The following DCC variants were observed in gnomAD, a reference collection of about 807,000 sequenced individuals.
DCC encodes the protein netrin receptor DCC.
In DCC, 58 loss-of-function variants were observed where a neutral mutation model predicts 172.5. The ratio of observed to expected loss-of-function variants is 0.34; its 90% CI spans 0.27 to 0.42. The LOEUF is 0.42. Among genes scored for constraint, DCC ranks in the 10% least tolerant of loss-of-function variants. DCC has a pLI of 1.00. For missense variants in DCC, 1,740 were observed against 1,791.0 expected, an observed-to-expected ratio of 0.97 and a Z score of 0.51; for synonymous variants, 709 against 644.5, an observed-to-expected ratio of 1.10 and a Z score of -1.52.
Position 52,501,540 on chromosome 18 carries a change from G to A in DCC, c.91+160662G>A, listed in dbSNP as rs183484317. On this transcript the variant is annotated intron_variant, in intron 1 of 28. Transcript: ENST00000442544. The stretch of plus-strand genomic sequence containing the variant: ...ATTGTATTCAGGGAAGGGGGGAGAA[G>A]AGGGAATCACAGGATATCAGTGTTG... Among the ~76,000 whole-genome samples the A allele has an allele frequency of 1.1e-4, 16 of 152,258 alleles. No individual in the cohort carries two copies. In the East Asian group the frequency reaches 2.5e-3, roughly 24 times the overall value.
chr18:52,745,094 A>C (rs1204791417), intron 1 of DCC, among the ~76,000 whole-genome samples: 4 of 152,224 alleles, frequency 2.6e-5, no homozygotes, highest in Non-Finnish European at 4.4e-5. Context: ...AGGAAAGATT[A>C]GGTATTGTAA....
chr18:53,352,531 T>A (rs1599055113), intron 15 of DCC, among the ~76,000 whole-genome samples: 1 of 152,104 alleles, frequency 6.6e-6, no homozygotes, highest in Admixed American at 6.6e-5. Context: ...AGACTATACA[T>A]TTTTGGCTTT....
chr18:52,536,442 A>T lies in DCC; in HGVS notation c.91+195564A>T, dbSNP rs369124547. 5.9e-5 allele frequency among the ~76,000 whole-genome samples: 9 copies of T among 152,302 alleles called. No homozygotes were observed. The East Asian group carries it at 1.2e-3, about 20-fold the overall frequency. On this transcript the variant is annotated intron_variant, in intron 1 of 28. Transcript: ENST00000442544. ...TTTAGAGATATAGGCTTCACCAGAC[A>T]TGTCTTTCCTCACAGATCCAAAGAA...
chr18:52,429,037 T>G (rs2061119121), intron 1 of DCC, among the ~76,000 whole-genome samples: 1 of 152,112 alleles, frequency 6.6e-6, no homozygotes, highest in South Asian at 2.1e-4. Context: ...TTTCGCACTT[T>G]ACTTCTGCTA....
intron 3 of DCC, among the ~76,000 whole-genome samples, chr18:52,920,794 C>T (rs529269604): frequency 1.4e-4 from 21 of 152,020 alleles, no homozygotes; most frequent in African/African-American, 4.1e-4. Context: ...CTTCAATAGA[C>T]GAATGGATAA....
intron 1 of DCC, among the ~76,000 whole-genome samples, chr18:52,496,343 A>G (rs1353177198): frequency 6.6e-6 from 1 of 152,206 alleles, no homozygotes; most frequent in Non-Finnish European, 1.5e-5. Context: ...AATAACCATG[A>G]GCATCGGGAC....
chr18:53,524,527 AG>A (rs1356362630), intron 27 of DCC, among the ~76,000 whole-genome samples: 1 of 152,104 alleles, frequency 6.6e-6, no homozygotes, highest in African/African-American at 2.4e-5. Flanking sequence ...AAGCACTATA[AG>A]GTATGATGCT....
intron 1 of DCC, among the ~76,000 whole-genome samples, chr18:52,395,677 A>C (rs971465417): frequency 1.3e-5 from 2 of 152,076 alleles, no homozygotes; most frequent in Non-Finnish European, 2.9e-5. Flanking sequence ...CTACCCAGCT[A>C]TTCTGAGCCT....
At chr18:52,879,781 G>C (rs2039456776) in intron 2 of DCC, among the ~76,000 whole-genome samples, 1 of 152,064 alleles carries the variant, frequency 6.6e-6, no homozygotes. Flanking sequence ...AGCAGCCATA[G>C]ACAATAGGTA....
intron 1 of DCC, among the ~76,000 whole-genome samples, chr18:52,612,263 C>T (rs900354786): frequency 2.0e-5 from 3 of 152,050 alleles, no homozygotes; most frequent in Non-Finnish European, 4.4e-5. Flanking sequence ...AATCCAGAAA[C>T]GTGGGGTTCT....
chr18:53,178,243 T>C (rs2144475462), intron 8 of DCC, among the ~76,000 whole-genome samples: 1 of 152,328 alleles, frequency 6.6e-6, no homozygotes, highest in East Asian at 1.9e-4. Flanking sequence ...CGGTTTGTCA[T>C]CTCTTAATAC....
At chr18:52,470,724 T>C (rs1221974) in intron 1 of DCC, among the ~76,000 whole-genome samples, 37,970 of 152,140 alleles carry the variant, frequency 0.25, 5,649 homozygotes, top group Non-Finnish European at 0.33. Context: ...AAACATTCCC[T>C]AATGGGAAAC....
chr18:52,878,163 G>A (rs1488531828), intron 2 of DCC, among the ~76,000 whole-genome samples: 12 of 152,058 alleles, frequency 7.9e-5, no homozygotes, highest in Admixed American at 7.9e-4. Context: ...AACTGACACA[G>A]TTCACACTTA....
intron 1 of DCC, among the ~76,000 whole-genome samples, chr18:52,458,026 A>G (rs960537168): frequency 1.3e-5 from 2 of 152,154 alleles, no homozygotes; most frequent in African/African-American, 4.8e-5. Context: ...TGTTCACTTC[A>G]GCTACAGGCG....
At position 53,291,292 on chromosome 18, in the gene DCC, T is replaced by G. The variant is rs1448386296; in HGVS notation, c.1912-14286T>G. ...CATTTTGTAAGAGCCCAAATTCGTTTGTCACAATTATTTTATCATGAGGGC... is the reference window on the plus strand; with the variant it reads ...CATTTTGTAAGAGCCCAAATTCGTTGGTCACAATTATTTTATCATGAGGGC... On this transcript the variant is annotated intron_variant, in intron 12 of 28. Coordinates refer to ENST00000442544, the MANE Select transcript of DCC (RefSeq NM_005215.4). Among the ~76,000 whole-genome samples the G allele has an allele frequency of 2.0e-5, 3 of 152,330 alleles. No homozygotes were observed. The East Asian group carries it at 5.8e-4, about 29-fold the overall frequency.
At chr18:53,354,082 G>A (rs1385176743) in intron 15 of DCC, among the ~76,000 whole-genome samples, 1 of 152,236 alleles carries the variant, frequency 6.6e-6, no homozygotes, top group East Asian at 1.9e-4. Context: ...TCCCTACAAA[G>A]GACATGAACT....
intron 5 of DCC, among the ~76,000 whole-genome samples, chr18:52,960,149 T>C (rs1356900461): frequency 6.6e-6 from 1 of 152,018 alleles, no homozygotes; most frequent in Non-Finnish European, 1.5e-5. Context: ...GAGCTCGAAA[T>C]TTCCCTGGGT....
At position 53,507,119 on chromosome 18, in the gene DCC, G is replaced by T. The variant is rs974988450; in HGVS notation, c.4111+7609G>T. Among the ~76,000 whole-genome samples the T allele has an allele frequency of 7.9e-5, 12 of 152,072 alleles. No homozygotes were observed. The South Asian group carries it at 1.0e-3, about 13-fold the overall frequency. On this transcript the variant is annotated intron_variant, in intron 27 of 28. Transcript: ENST00000442544. Reference sequence around the variant, plus strand: ...TGTGAAAGACTATGAGTAAGAGAAAGGTTTTAATTTGAATATTTTGAGACT... The same window carrying T: ...TGTGAAAGACTATGAGTAAGAGAAATGTTTTAATTTGAATATTTTGAGACT...
intron 1 of DCC, among the ~76,000 whole-genome samples, chr18:52,432,682 A>G (rs972740197): frequency 2.0e-5 from 3 of 152,218 alleles, no homozygotes; most frequent in Non-Finnish European, 4.4e-5. Flanking sequence ...ATACAAGTCA[A>G]ACTTGAAAGG....
Sources: allele counts gnomAD v4.1 joint callset (sites outside exome capture counted in the v4.1 genomes callset), GRCh38; gene constraint gnomAD v4.1.1; transcripts MANE v1.5; gene names NCBI Gene and HGNC (gene_info 2026-07-23, HGNC 2026-07-21).